The following SOX5 variants were observed in gnomAD, a reference collection of about 807,000 sequenced individuals.
The protein encoded by SOX5 is SRY-box transcription factor 5.
SOX5 carries 9 observed loss-of-function variants against 92.0 expected under a neutral mutation model. The observed-to-expected ratio is 0.10, with a 90% CI of 0.06 to 0.17. The LOEUF is 0.17. Among genes scored for constraint, SOX5 ranks in the 10% least tolerant of loss-of-function variants. The pLI is 1.00. For synonymous variants in SOX5, 344 were observed against 336.3 expected, an observed-to-expected ratio of 1.02 and a Z score of -0.25; for missense variants, 642 against 944.5, an observed-to-expected ratio of 0.68 and a Z score of 4.20.
chr12:24,453,269 T>TA (rs892595593), intron 1 of SOX5, among the ~76,000 whole-genome samples: 9 of 151,118 alleles, frequency 6.0e-5, no homozygotes, highest in South Asian at 2.1e-4. Flanking sequence ...TTTTTTTCCT[T>TA]AAAAAAAAGG....
At chr12:23,551,997 C>T (rs1291152005) in intron 11 of SOX5, among the ~76,000 whole-genome samples, 1 of 151,732 alleles carries the variant, frequency 6.6e-6, no homozygotes, top group Non-Finnish European at 1.5e-5. Flanking sequence ...ACTACAAAGT[C>T]GAAGATGGTT....
At chr12:23,766,621 T>A (rs2094734993) in intron 3 of SOX5, among the ~76,000 whole-genome samples, 1 of 151,956 alleles carries the variant, frequency 6.6e-6, no homozygotes, top group African/African-American at 2.4e-5. Flanking sequence ...TGTGAAAGAG[T>A]AAAATCTACT....
intron 4 of SOX5, among the ~76,000 whole-genome samples, chr12:24,057,110 G>A (rs914847041): frequency 1.3e-5 from 2 of 151,860 alleles, no homozygotes; most frequent in African/African-American, 4.8e-5. Flanking sequence ...AAAAAGAGGT[G>A]CATTTTAATC....
intron 4 of SOX5, among the ~76,000 whole-genome samples, chr12:24,119,653 A>G (rs552210354): frequency 1.2e-3 from 179 of 152,240 alleles, no homozygotes; most frequent in African/African-American, 4.1e-3. Context: ...TATTCCATTG[A>G]ATTTTACAAA....
intron 6 of SOX5, among the ~76,000 whole-genome samples, chr12:23,720,282 G>A (rs1381235411): frequency 1.3e-5 from 2 of 152,168 alleles, no homozygotes; most frequent in Admixed American, 6.5e-5. Flanking sequence ...TGAATGAGCA[G>A]TATTTTACGG....
chr12:24,544,322 G>T (rs544938977), intron 1 of SOX5, among the ~76,000 whole-genome samples: 2 of 152,176 alleles, frequency 1.3e-5, no homozygotes, highest in Non-Finnish European at 2.9e-5. Context: ...CATATGGAAG[G>T]TATTGTGTTT....
intron 7 of SOX5, among the ~76,000 whole-genome samples, chr12:23,651,807 G>A (rs984852159): frequency 1.3e-5 from 2 of 151,722 alleles, no homozygotes; most frequent in African/African-American, 2.4e-5. Context: ...GAGCCCCAAA[G>A]TAGGAGGTAC....
intron 4 of SOX5, among the ~76,000 whole-genome samples, chr12:23,991,751 T>G (rs955858037): frequency 1.5e-5 from 1 of 64,988 alleles, no homozygotes; most frequent in Non-Finnish European, 4.0e-5. Flanking sequence ...TACAGGAGGT[T>G]TTTTTTTTTT....
At position 24,524,385 on chromosome 12, in the gene SOX5, A is replaced by ATCTC. The variant is rs1403043205; in HGVS notation, c.-251+37943_-251+37944insGAGA. 4.6e-5 allele frequency among the ~76,000 whole-genome samples: 7 copies of ATCTC among 150,664 alleles called. No homozygotes were observed. In the East Asian group the frequency reaches 1.4e-3, roughly 29 times the overall value. ...TATCTATCTATCTATCTATCTATCT[A>ATCTC]TCCATCCATCCATCCATCCTTCTAT... On this transcript the variant is annotated intron_variant, in intron 1 of 4. Transcript: ENST00000446891.
chr12:24,230,668 A>ACTTTTACACT (rs1963191872), intron 3 of SOX5: 1 of 152,202 alleles, frequency 6.6e-6, no homozygotes, highest in African/African-American at 2.4e-5. Flanking sequence ...TACACTTAAG[A>ACTTTTACACT]TCAGGGTTCA....
intron 4 of SOX5, among the ~76,000 whole-genome samples, chr12:24,204,261 T>C (rs1327350656): frequency 2.6e-5 from 4 of 151,988 alleles, no homozygotes; most frequent in Non-Finnish European, 5.9e-5. Context: ...GTTACAATTA[T>C]AAACAATGTC....
At chr12:23,620,241 C>T (rs2077016153) in intron 8 of SOX5, among the ~76,000 whole-genome samples, 2 of 151,960 alleles carry the variant, frequency 1.3e-5, no homozygotes, top group Admixed American at 1.3e-4. Context: ...CAGTGAGACG[C>T]AGTGCAGTGG....
In SOX5 at chr12:24,393,113, A is replaced by G. The variant is rs1178069878; in HGVS notation, c.-250-24474T>C. On this transcript the variant is annotated intron_variant, in intron 1 of 4. Coordinates refer to the SOX5 transcript ENST00000446891. The surrounding 1 kb of genome is among the most constrained non-coding windows in gnomAD (Gnocchi z 5.0). ...AACCACCACTCTCCCAATTATAATA[A>G]ATGAATAAAGTAGATTGAAGCTAAG... Among the ~76,000 whole-genome samples, 1 of 152,162 alleles carries G rather than the reference A, an allele frequency of 6.6e-6. No individual in the cohort carries two copies. The highest frequency in any genetic ancestry group is 1.5e-5 in the Non-Finnish European group (1 of 68,036).
intron 8 of SOX5, among the ~76,000 whole-genome samples, chr12:23,613,301 C>T (rs2076177962): frequency 6.6e-6 from 1 of 151,378 alleles, no homozygotes; most frequent in Non-Finnish European, 1.5e-5. Context: ...AGAGATACTG[C>T]TTCACACCCA....
intron 2 of SOX5, among the ~76,000 whole-genome samples, chr12:23,855,318 T>C (rs2096674829): frequency 1.3e-5 from 2 of 152,066 alleles, no homozygotes; most frequent in Admixed American, 6.6e-5. Flanking sequence ...TTCCACAAAA[T>C]GCCATACAGC....
intron 3 of SOX5, among the ~76,000 whole-genome samples, chr12:24,247,437 T>C (rs1385174901): frequency 6.6e-6 from 1 of 151,812 alleles, no homozygotes; most frequent in East Asian, 1.9e-4. Flanking sequence ...TAGGTTTGGT[T>C]AGAGAGAGAG....
intron 2 of SOX5, among the ~76,000 whole-genome samples, chr12:24,336,467 T>C (rs1455776559): frequency 1.3e-5 from 2 of 152,104 alleles, no homozygotes; most frequent in Non-Finnish European, 2.9e-5. Context: ...AAGAATGTTT[T>C]GAGATTGGGG....
intron 3 of SOX5, among the ~76,000 whole-genome samples, chr12:23,792,577 CTTACCAT>C (rs1233885387): frequency 4.1e-5 from 5 of 121,802 alleles, no homozygotes; most frequent in African/African-American, 1.6e-4. Context: ...GAGCCGAGAT[CTTACCAT>C]TGCACTGCAG....
At chr12:23,634,249 C>T (rs995962568) in intron 8 of SOX5, among the ~76,000 whole-genome samples, 4 of 151,968 alleles carry the variant, frequency 2.6e-5, no homozygotes, top group Admixed American at 2.0e-4. Context: ...TGGGGCGGTA[C>T]ATTTGGAAAA....
Sources: allele counts gnomAD v4.1 joint callset (sites outside exome capture counted in the v4.1 genomes callset), GRCh38; gene constraint gnomAD v4.1.1; non-coding constraint Gnocchi (gnomAD v3.1); transcripts MANE v1.5; gene names NCBI Gene and HGNC (gene_info 2026-07-23, HGNC 2026-07-21).